NKAIN2: variants seen among roughly 807,000 people sequenced by gnomAD.
NKAIN2 encodes the protein sodium/potassium transporting ATPase interacting 2, also known as sodium/potassium-transporting ATPase subunit beta-1-interacting protein 2.
In NKAIN2, 14 loss-of-function variants were observed where a neutral mutation model predicts 32.6. The observed-to-expected ratio is 0.43, with a 90% CI of 0.28 to 0.67. NKAIN2 has a LOEUF of 0.67. Ranked by LOEUF, NKAIN2 falls within the 30% of genes least tolerant of loss-of-function variation. NKAIN2 has a pLI of 0.17. For missense variants in NKAIN2, 198 were observed against 258.3 expected (o/e 0.77, Z 1.60); for synonymous variants, 80 against 87.2 (o/e 0.92, Z 0.46).
At chr6:124,155,977 A>G (rs1472220699) in intron 1 of NKAIN2, among the ~76,000 whole-genome samples, 3 of 151,910 alleles carry the variant, frequency 2.0e-5, no homozygotes, top group Admixed American at 6.6e-5. Context: ...AAAAAAAAAA[A>G]AGGGATACTA....
chr6:124,460,227 A>T (rs1250151286), intron 3 of NKAIN2, among the ~76,000 whole-genome samples: 1 of 151,602 alleles, frequency 6.6e-6, no homozygotes, highest in Admixed American at 6.6e-5. Flanking sequence ...TCCTTATGTT[A>T]CTATTTAGTT....
chr6:124,795,249 C>T (rs1406507760), intron 5 of NKAIN2, among the ~76,000 whole-genome samples: 1 of 152,108 alleles, frequency 6.6e-6, no homozygotes, highest in Non-Finnish European at 1.5e-5. Context: ...GGCAACTGGA[C>T]AAAATGTTCT....
chr6:124,517,789 A>T (rs1205751130), intron 3 of NKAIN2, among the ~76,000 whole-genome samples: 1 of 152,196 alleles, frequency 6.6e-6, no homozygotes, highest in African/African-American at 2.4e-5. Context: ...TTGATATACA[A>T]ATAAATGTTA....
At chr6:123,843,771 G>A (rs1582635670) in intron 1 of NKAIN2, among the ~76,000 whole-genome samples, 1 of 152,086 alleles carries the variant, frequency 6.6e-6, no homozygotes, top group East Asian at 1.9e-4. Flanking sequence ...GGGTGGTGGC[G>A]ACGCAAGTTA....
intron 3 of NKAIN2, among the ~76,000 whole-genome samples, chr6:124,558,880 T>G (rs536453): frequency 1.3e-5 from 2 of 152,046 alleles, no homozygotes; most frequent in Admixed American, 1.3e-4. Context: ...ACTGGGGAGG[T>G]GGAGGTTGCA....
At chr6:124,569,476 ATCTC>A (rs1201698207) in intron 3 of NKAIN2, among the ~76,000 whole-genome samples, 15 of 152,268 alleles carry the variant, frequency 9.9e-5, no homozygotes, top group African/African-American at 3.4e-4. Flanking sequence ...TTAGAATTGT[ATCTC>A]CCAGAATTCC....
At chr6:124,427,997 C>T (rs1359523303) in intron 3 of NKAIN2, among the ~76,000 whole-genome samples, 3 of 152,060 alleles carry the variant, frequency 2.0e-5, no homozygotes, top group African/African-American at 7.2e-5. Flanking sequence ...ATTTTTCTAA[C>T]ACTTCCAAAG....
At chr6:124,068,268 A>G (rs975434780) in intron 1 of NKAIN2, among the ~76,000 whole-genome samples, 4 of 152,082 alleles carry the variant, frequency 2.6e-5, no homozygotes, top group African/African-American at 9.7e-5. Flanking sequence ...TAATACACTC[A>G]CTCATTATTC....
rs147432363 is a variant in NKAIN2 at position 124,417,145 on chromosome 6, A to T, written c.273+61798A>T. On this transcript the variant is annotated intron_variant, in intron 3 of 6. Transcript: ENST00000368417. ...GATAAATAGATGGCATACTGAGAGG[A>T]CAGCTGTTAAATGATTTGACAAAGA... 1.6e-3 allele frequency among the ~76,000 whole-genome samples: 245 copies of T among 152,370 alleles called. 1 individual carries two copies. The highest frequency in any genetic ancestry group is 5.5e-3 in the African/African-American group (230 of 41,590).
chr6:124,813,979 C>A (rs1489732154), intron 5 of NKAIN2, among the ~76,000 whole-genome samples: 1 of 152,026 alleles, frequency 6.6e-6, no homozygotes, highest in Non-Finnish European at 1.5e-5. Context: ...GAATAAATGT[C>A]ATTATATAAA....
Position 124,750,377 on chromosome 6 carries a change from A to G in NKAIN2, c.475-40962A>G, listed in dbSNP as rs578145010. The stretch of plus-strand genomic sequence containing the variant: ...TCACATTTTAGTGGGCAATGTCTAT[A>G]CCCACCTGTGTCCTCTAATACCTTA... On this transcript the variant is annotated intron_variant, in intron 4 of 6. Transcript: ENST00000368417. Among the ~76,000 whole-genome samples the G allele has an allele frequency of 6.6e-5, 10 of 151,938 alleles. No individual in the cohort carries two copies. In the South Asian group the frequency reaches 1.9e-3, roughly 28 times the overall value.
chr6:124,271,515 C>G (rs990511251), intron 1 of NKAIN2, among the ~76,000 whole-genome samples: 15 of 152,176 alleles, frequency 9.9e-5, no homozygotes, highest in African/African-American at 3.6e-4. Flanking sequence ...CATACCCGGC[C>G]TAAACCTCCT....
rs1448012721 is a variant in NKAIN2 at position 124,453,025 on chromosome 6, T to C, written c.273+97678T>C. Among the ~76,000 whole-genome samples the C allele has an allele frequency of 5.3e-5, 8 of 152,098 alleles. No homozygotes were observed. In the East Asian group the frequency reaches 1.6e-3, roughly 30 times the overall value. On this transcript the variant is annotated intron_variant, in intron 3 of 6. Coordinates refer to ENST00000368417, the MANE Select transcript of NKAIN2 (RefSeq NM_001040214.3). ...AATTAGGCTTAATTGGCTATCTTAG[T>C]CTCTGTTCAGTAGATGCCAAGAACA...
intron 1 of NKAIN2, among the ~76,000 whole-genome samples, chr6:124,190,742 G>A (rs1448524739): frequency 6.6e-6 from 1 of 152,120 alleles, no homozygotes; most frequent in Admixed American, 6.5e-5. Flanking sequence ...CAAATTACAT[G>A]TAAGATTAAG....
intron 1 of NKAIN2, among the ~76,000 whole-genome samples, chr6:123,855,665 G>A (rs970261277): frequency 6.6e-6 from 1 of 152,202 alleles, no homozygotes; most frequent in Non-Finnish European, 1.5e-5. Context: ...GGGGATAATG[G>A]AAATGAGACA....
At chr6:124,080,510 A>G (rs1043897068) in intron 1 of NKAIN2, among the ~76,000 whole-genome samples, 30 of 152,112 alleles carry the variant, frequency 2.0e-4, no homozygotes, top group African/African-American at 6.7e-4. Context: ...TTTTTTATCA[A>G]TTTTCCATTT....
At chr6:124,671,093 C>T (rs1773076542) in intron 4 of NKAIN2, among the ~76,000 whole-genome samples, 1 of 152,000 alleles carries the variant, frequency 6.6e-6, no homozygotes, top group South Asian at 2.1e-4. Flanking sequence ...AGAGCAGAAC[C>T]ACGAAGGATG....
intron 3 of NKAIN2, among the ~76,000 whole-genome samples, chr6:124,562,856 C>A (rs1314240386): frequency 6.6e-6 from 1 of 150,794 alleles, no homozygotes; most frequent in Non-Finnish European, 1.5e-5. Flanking sequence ...GCTGTATACT[C>A]AAGGAGAAAA....
rs539575800 is a variant in NKAIN2, at chr6:124,560,972, C to T, written c.274-97214C>T. On this transcript the variant is annotated intron_variant, in intron 3 of 6. Transcript: ENST00000368417. Reference sequence around the variant, plus strand: ...AGGCACCAGACATTCTAGTGAAGCCCAGCAATCTTCTAGACCCAGAGGTGA... The same window carrying T: ...AGGCACCAGACATTCTAGTGAAGCCTAGCAATCTTCTAGACCCAGAGGTGA... 6.9e-4 allele frequency among the ~76,000 whole-genome samples: 105 copies of T among 152,202 alleles called. 1 individual carries two copies. Among genetic ancestry groups the T allele is most frequent in the Non-Finnish European group, 1.2e-3 (82 of 68,004 alleles).
Sources: allele counts gnomAD v4.1 joint callset (sites outside exome capture counted in the v4.1 genomes callset), GRCh38; gene constraint gnomAD v4.1.1; transcripts MANE v1.5; gene names NCBI Gene and HGNC (gene_info 2026-07-23, HGNC 2026-07-21).